The following MYO16 variants were observed in gnomAD, a reference collection of about 807,000 sequenced individuals.
MYO16 encodes myosin XVI, also known as unconventional myosin-XVI.
Under a neutral mutation model 205.3 loss-of-function variants are expected in MYO16, and 94 were observed. That is an observed-to-expected ratio of 0.46 (90% CI 0.39 to 0.54). The LOEUF (loss-of-function observed/expected upper bound fraction) is 0.54, where lower values mean the gene tolerates loss of function less well. Ranked by LOEUF, MYO16 falls within the 20% of genes least tolerant of loss-of-function variation. The pLI is 0.00. For missense variants in MYO16, 2,315 were observed against 2,387.5 expected, an observed-to-expected ratio of 0.97 and a Z score of 0.63; for synonymous variants, 988 against 954.0, an observed-to-expected ratio of 1.04 and a Z score of -0.66.
chr13:108,538,155 A>T, the MYO16 span, among the ~76,000 whole-genome samples: 1 of 152,088 alleles, frequency 6.6e-6, no homozygotes. Context: ...ATTAGCACAA[A>T]ATATATTTAT....
intron 22 of MYO16, among the ~76,000 whole-genome samples, chr13:109,010,129 G>A (rs1241114643): frequency 6.6e-6 from 1 of 152,166 alleles, no homozygotes; most frequent in Non-Finnish European, 1.5e-5. Flanking sequence ...AATACTCCAA[G>A]TGTCTAGTAC....
chr13:109,167,057 C>G (rs1326067803), intron 33 of MYO16: 1 of 152,454 alleles, frequency 6.6e-6, no homozygotes, highest in African/African-American at 2.4e-5. Flanking sequence ...ACATCCAAGT[C>G]AACTCACATG....
At chr13:108,859,631 G>A (rs190021098) in intron 11 of MYO16, among the ~76,000 whole-genome samples, 4 of 152,256 alleles carry the variant, frequency 2.6e-5, no homozygotes, top group African/African-American at 2.4e-5. Context: ...AATGAAATGC[G>A]TGTGATGAGA....
At chr13:109,000,241 T>C (rs1489174283) in intron 21 of MYO16, among the ~76,000 whole-genome samples, 1 of 152,182 alleles carries the variant, frequency 6.6e-6, no homozygotes, top group Non-Finnish European at 1.5e-5. Context: ...TTTCATGTAG[T>C]TTTGTGCTAA....
the MYO16 span, among the ~76,000 whole-genome samples, chr13:108,530,876 A>G: frequency 1.5e-3 from 230 of 150,838 alleles, 2 homozygotes; most frequent in African/African-American, 5.5e-3. Flanking sequence ...GATGCTATCA[A>G]CTCTATCGTG....
At chr13:109,040,385 C>CACACAGAGAGAGAGAGAGAGAGAG (rs1394314811) in intron 23 of MYO16, among the ~76,000 whole-genome samples, 296 of 113,182 alleles carry the variant, frequency 2.6e-3, no homozygotes, top group African/African-American at 5.8e-3. Flanking sequence ...CACACACACA[C>CACACAGAGAGAGAGAGAGAGAGAG]AGAGAGAGAG....
At chr13:108,951,112 G>C (rs190468219) in intron 16 of MYO16, among the ~76,000 whole-genome samples, 1 of 151,714 alleles carries the variant, frequency 6.6e-6, no homozygotes, top group Non-Finnish European at 1.5e-5. Flanking sequence ...ATGATTACGC[G>C]TAATACTTTT....
At chr13:108,880,206 G>T (rs549434667) in intron 12 of MYO16, among the ~76,000 whole-genome samples, 1 of 152,264 alleles carries the variant, frequency 6.6e-6, no homozygotes, top group South Asian at 2.1e-4. Context: ...TTTTGATGGG[G>T]TTATTTGATT....
intron 32 of MYO16, among the ~76,000 whole-genome samples, chr13:109,159,919 G>A (rs750437193): frequency 1.4e-4 from 22 of 152,342 alleles, no homozygotes; most frequent in Non-Finnish European, 2.8e-4. Context: ...GAAGCCTTTG[G>A]ATCTTAATGT....
In MYO16 at chr13:108,771,586, C is replaced by T. The variant is rs181746774; in HGVS notation, c.508-14049C>T. Among the ~76,000 whole-genome samples, 482 of 152,240 alleles carry T rather than the reference C, an allele frequency of 3.2e-3. 1 individual carries two copies. The highest frequency in any genetic ancestry group is 1.9e-3 in the Non-Finnish European group (127 of 68,016). On this transcript the variant is annotated intron_variant, in intron 4 of 34. Coordinates refer to ENST00000457511, the MANE Select transcript of MYO16 (RefSeq NM_001198950.3). ...GGACAAATGCAGTGACATGGATCCA[C>T]CCGTACAGAAATTTGCGGAGTGTTT...
At chr13:108,882,991 A>G (rs1879691639) in intron 12 of MYO16, 68 bp from the exon 13 acceptor site, 17 of 1,583,648 alleles carry the variant, frequency 1.1e-5, no homozygotes, top group Non-Finnish European at 1.5e-5. Flanking sequence ...AGTCACTCTC[A>G]TTATGGGATG....
chr13:108,855,236 C>A, intron 10 of MYO16: 1 of 398,294 alleles, frequency 2.5e-6, no homozygotes, highest in South Asian at 5.9e-5. Flanking sequence ...GAGTATAGCA[C>A]AAAAATTCTC....
rs373702226 is a variant in MYO16, at chr13:108,997,116, C to T, written c.2442+4668C>T. Among the ~76,000 whole-genome samples the T allele has an allele frequency of 2.8e-4, 42 of 151,962 alleles. 1 individual carries two copies. In the East Asian group the frequency reaches 4.9e-3, roughly 18 times the overall value. On this transcript the variant is annotated intron_variant, in intron 21 of 34. Transcript: ENST00000457511. Reference sequence around the variant, plus strand: ...GACCAGCCTGGCCAACATGGTGAAACCCTGTCTCCACTAAAAATACAAAAA... The same window carrying T: ...GACCAGCCTGGCCAACATGGTGAAATCCTGTCTCCACTAAAAATACAAAAA...
At chr13:109,023,236 ATATAAATATATATATTTATATAT>A (rs1886162578) in intron 23 of MYO16, among the ~76,000 whole-genome samples, 2 of 107,302 alleles carry the variant, frequency 1.9e-5, no homozygotes, top group Non-Finnish European at 3.5e-5. Flanking sequence ...TATTATACAG[ATATAAATATATATATTTATATAT>A]TATACAGATA....
At chr13:108,992,321 G>A (rs1884863698) in intron 20 of MYO16, 55 bp from the exon 21 acceptor site, 5 of 1,275,364 alleles carry the variant, frequency 3.9e-6, no homozygotes, top group African/African-American at 1.5e-5. Context: ...TGAAAAGAGG[G>A]TCATGAAGGA....
At chr13:108,642,748 A>G (rs908476910) in intron 1 of MYO16, among the ~76,000 whole-genome samples, 5 of 151,972 alleles carry the variant, frequency 3.3e-5, no homozygotes, top group Non-Finnish European at 5.9e-5. Flanking sequence ...GACCCCTCTG[A>G]TTTATAGTAA....
intron 1 of MYO16, among the ~76,000 whole-genome samples, chr13:108,658,267 GT>G (rs1022268245): frequency 6.6e-6 from 1 of 151,990 alleles, no homozygotes; most frequent in Non-Finnish European, 1.5e-5. Context: ...GCATAAATTG[GT>G]TCATTTTCCA....
chr13:108,719,861 T>C (rs547360880), intron 3 of MYO16, among the ~76,000 whole-genome samples: 3 of 152,330 alleles, frequency 2.0e-5, no homozygotes, highest in Admixed American at 6.5e-5. Context: ...CCTTTATATA[T>C]ACCTTGCCAA....
At chr13:108,684,186 T>G (rs1882581538) in intron 2 of MYO16, among the ~76,000 whole-genome samples, 2 of 152,220 alleles carry the variant, frequency 1.3e-5, no homozygotes, top group South Asian at 2.1e-4. Context: ...ATGTGTTGCC[T>G]TCTTAGATGC....
Sources: allele counts gnomAD v4.1 joint callset (sites outside exome capture counted in the v4.1 genomes callset), GRCh38; gene constraint gnomAD v4.1.1; transcripts MANE v1.5; gene names NCBI Gene and HGNC (gene_info 2026-07-23, HGNC 2026-07-21).